Variants in EYS observed in about 807,000 individuals in gnomAD.
EYS encodes the protein EGF-like photoreceptor maintenance factor.
In EYS, 250 loss-of-function variants were observed where a neutral mutation model predicts 282.1. That is an observed-to-expected ratio of 0.89 (90% CI 0.80 to 0.98). The LOEUF is 0.98. EYS is among the 50% of genes least tolerant of loss of function. EYS has a pLI of 0.00. For missense variants in EYS, 4,016 were observed against 3,709.0 expected (o/e 1.08, Z -2.15); for synonymous variants, 1,355 against 1,282.9 (o/e 1.06, Z -1.20).
intron 16 of EYS, among the ~76,000 whole-genome samples, chr6:64,909,779 A>G (rs1767936764): frequency 1.3e-5 from 2 of 151,840 alleles, no homozygotes; most frequent in African/African-American, 4.8e-5. Context: ...ATTTTTTACT[A>G]TGTATATATT....
chr6:65,680,449 C>G (rs1768775986), intron 1 of EYS, among the ~76,000 whole-genome samples: 1 of 151,862 alleles, frequency 6.6e-6, no homozygotes, highest in African/African-American at 2.4e-5. Context: ...GCATCATCAG[C>G]ATTTTATTCA....
chr6:64,973,267 A>T (rs9363301), intron 14 of EYS, among the ~76,000 whole-genome samples: 10,281 of 152,108 alleles, frequency 0.068, 443 homozygotes, highest in East Asian at 0.13. Context: ...ATACTTACTG[A>T]CTACCCTTCT....
intron 2 of EYS, among the ~76,000 whole-genome samples, chr6:65,567,651 C>T (rs572774323): frequency 6.6e-6 from 1 of 151,982 alleles, no homozygotes; most frequent in African/African-American, 2.4e-5. Context: ...TTAATGAAAG[C>T]CTTACACTTG....
intron 29 of EYS, among the ~76,000 whole-genome samples, chr6:64,330,233 G>T (rs1406206763): frequency 6.6e-6 from 1 of 152,178 alleles, no homozygotes; most frequent in Non-Finnish European, 1.5e-5. Context: ...AAGGTATCTT[G>T]GCTTTAACAT....
chr6:64,151,341 A>ATT lies in EYS; in HGVS notation c.6425-69340_6425-69339insAA, dbSNP rs1194067532. ...TTTATATATATATATATATATATAT[A>ATT]TATATATATATATATATATATAATT... On this transcript the variant is annotated intron_variant, in intron 31 of 42. Transcript: ENST00000503581. 3.7e-4 allele frequency among the ~76,000 whole-genome samples: 42 copies of ATT among 114,116 alleles called. 1 individual carries two copies. The highest frequency in any genetic ancestry group is 1.9e-3 in the African/African-American group (39 of 20,796). The allele number at this position is 114,116 out of a possible 152,430, so 74.9% of individuals were successfully genotyped here. A position where few individuals can be genotyped will look rare whatever the true frequency, so the allele number is the denominator to read the frequency against.
chr6:65,217,822 G>A (rs1766353887), intron 12 of EYS, among the ~76,000 whole-genome samples: 1 of 152,060 alleles, frequency 6.6e-6, no homozygotes, highest in African/African-American at 2.4e-5. Flanking sequence ...GTGGTCAGAA[G>A]TTTAGATGTC....
At chr6:64,286,165 CAT>C (rs1243092834) in intron 30 of EYS, among the ~76,000 whole-genome samples, 1 of 152,198 alleles carries the variant, frequency 6.6e-6, no homozygotes, top group Non-Finnish European at 1.5e-5. Context: ...CAGCATTTCA[CAT>C]GTCCTACCTC....
At chr6:65,231,659 A>T (rs936967073) in intron 12 of EYS, among the ~76,000 whole-genome samples, 6 of 151,978 alleles carry the variant, frequency 3.9e-5, no homozygotes, top group Middle Eastern at 3.4e-3. Context: ...TTTCTTCTGG[A>T]GTGTTGCTTA....
At chr6:65,205,292 A>G (rs1228634061) in intron 12 of EYS, among the ~76,000 whole-genome samples, 1 of 151,552 alleles carries the variant, frequency 6.6e-6, no homozygotes, top group East Asian at 1.9e-4. Flanking sequence ...AACAACAGTT[A>G]AAAACATTAA....
rs145529762 is a variant in EYS, at chr6:64,059,571, G to A, written c.6725+6767C>T. On this transcript the variant is annotated intron_variant, in intron 33 of 42. Transcript: ENST00000503581. ...ATAAACACCAAACTAATACTTCCAC[G>A]TTTCTCAAGAAGTGGGCAAATTTTA... Among the ~76,000 whole-genome samples the A allele has an allele frequency of 2.1e-4, 32 of 152,136 alleles. No individual in the cohort carries two copies. The East Asian group carries it at 5.0e-3, about 24-fold the overall frequency.
At chr6:64,014,368 GT>G (rs149536813) in intron 33 of EYS, among the ~76,000 whole-genome samples, 1 of 151,802 alleles carries the variant, frequency 6.6e-6, no homozygotes, top group African/African-American at 2.4e-5. Context: ...TAAGTATGTA[GT>G]TTTTTTGTTT....
chr6:65,532,962 C>T (rs1767832808), intron 2 of EYS, among the ~76,000 whole-genome samples: 1 of 151,894 alleles, frequency 6.6e-6, no homozygotes, highest in Non-Finnish European at 1.5e-5. Context: ...ATTGTAATTG[C>T]TTCCTCAATT....
At chr6:63,779,099 T>C (rs1770140283) in intron 39 of EYS, 1 of 151,800 alleles carries the variant, frequency 6.6e-6, no homozygotes, top group Non-Finnish European at 1.5e-5. Context: ...TAAAGAAGTT[T>C]ATGTTTATGT....
chr6:64,044,177 AAC>A (rs1770518391), intron 33 of EYS, among the ~76,000 whole-genome samples: 1 of 152,192 alleles, frequency 6.6e-6, no homozygotes, highest in Admixed American at 6.5e-5. Flanking sequence ...TCCTTTTTAA[AAC>A]AGTTTATTGG....
chr6:65,126,713 A>T (rs1775730215), intron 12 of EYS, among the ~76,000 whole-genome samples: 1 of 152,204 alleles, frequency 6.6e-6, no homozygotes, highest in South Asian at 2.1e-4. Context: ...TGGAGCCTCA[A>T]AATATTTTAG....
intron 12 of EYS, among the ~76,000 whole-genome samples, chr6:65,277,453 T>TAA (rs71268363): frequency 4.4e-5 from 6 of 136,548 alleles, no homozygotes; most frequent in Non-Finnish European, 4.8e-5. Flanking sequence ...GTTAATTAAT[T>TAA]AAAAAAAAAA....
intron 12 of EYS, among the ~76,000 whole-genome samples, chr6:65,162,911 T>TTGTGTG (rs3036015): frequency 0.011 from 1,634 of 147,384 alleles, 33 homozygotes; most frequent in African/African-American, 0.037. Flanking sequence ...CCTGTTCTGT[T>TTGTGTG]TGTGTGTGTG....
chr6:65,435,994 A>T (rs1225111288), intron 5 of EYS, among the ~76,000 whole-genome samples: 2 of 152,178 alleles, frequency 1.3e-5, no homozygotes, highest in Non-Finnish European at 2.9e-5. Flanking sequence ...GAAAATATTA[A>T]ATTTTAGTTT....
At chr6:65,395,452 A>G (rs1766244576) in intron 7 of EYS, among the ~76,000 whole-genome samples, 2 of 152,140 alleles carry the variant, frequency 1.3e-5, no homozygotes, top group Admixed American at 6.6e-5. Context: ...TGTGATAATG[A>G]CTTGGTATAT....
Sources: gnomAD v4.1 joint callset for allele counts (sites outside exome capture counted in the v4.1 genomes callset) on GRCh38, gnomAD v4.1.1 for gene constraint, MANE v1.5 for transcripts, NCBI Gene and HGNC (gene_info 2026-07-23, HGNC 2026-07-21) for gene names.